COG3: variants seen among roughly 807,000 people sequenced by gnomAD.
COG3 encodes conserved oligomeric Golgi complex subunit 3.
In COG3, 32 loss-of-function variants were observed where a neutral mutation model predicts 114.1. The ratio of observed to expected loss-of-function variants is 0.28; its 90% CI spans 0.21 to 0.38. The LOEUF is 0.38. Ranked by LOEUF, COG3 falls within the 10% of genes least tolerant of loss-of-function variation. COG3 has a pLI of 1.00. For synonymous variants in COG3, 352 were observed against 365.7 expected (o/e 0.96, Z 0.43); for missense variants, 813 against 973.2 (o/e 0.84, Z 2.19).
At position 45,511,830 on chromosome 13, in the gene COG3, G is replaced by A. The variant is rs111696912; in HGVS notation, c.1785G>A (p.Ala595=). The A allele has an allele frequency of 1.2e-5, 19 of 1,613,670 alleles. No homozygotes were observed. The highest frequency in any genetic ancestry group is 1.5e-5 in the Non-Finnish European group (18 of 1,179,754). The change falls in exon 16 of 23, where the codon GCG becomes GCA. Residue 595 remains alanine, a synonymous_variant. Transcript: ENST00000349995. ...CCTGCATTCAGTCCTTACTTGGAGC[G>A]TCAGAGTCTATCAGCAAAAACAAGG... ...LSACIQSLLG[A]SESISKNKTQ... is the part of the protein sequence containing the mutation.
intron 15 of COG3, 125 bp from the exon 16 acceptor site, chr13:45,511,640 A>C: frequency 1.5e-6 from 1 of 671,090 alleles, no homozygotes; most frequent in Non-Finnish European, 2.6e-6. Flanking sequence ...AGAATAATAC[A>C]AGTAGTAAAT....
chr13:45,465,207 T>C lies in COG3; in HGVS notation c.171T>C (p.Ala57=), dbSNP rs890530074. Residue 57 remains alanine (A), a synonymous_variant, in exon 1 of 23, where the codon GCT becomes GCC. Coordinates refer to ENST00000349995, the MANE Select transcript of COG3 (RefSeq NM_031431.4). ...KAAAENLPVP[A]ELPIEDLCSL... is the part of the protein sequence containing the mutation. The stretch of plus-strand genomic sequence containing the variant: ...CGGCAGAGAACTTGCCGGTGCCAGC[T>C]GAGGTGAGGTGATGGGCAGGAACCG... 23 of 1,613,212 alleles carry C rather than the reference T, an allele frequency of 1.4e-5. No individual in the cohort carries two copies. The highest frequency in any genetic ancestry group is 2.7e-5 in the African/African-American group (2 of 75,036).
rs541260922 is a variant in COG3 at position 45,496,440 on chromosome 13, G to T, written c.1488+128G>T. On this transcript the variant is annotated intron_variant, in intron 13 of 22. Coordinates refer to ENST00000349995, the MANE Select transcript of COG3 (RefSeq NM_031431.4). ...TCCCCTTGTTGCCCAGGCTGGTCTC[G>T]AACTCCTGAGCTCAAGTGATCCACC... 2.9e-4 allele frequency: 191 copies of T among 650,524 alleles called. 1 individual carries two copies. The African/African-American group carries it at 3.3e-3, about 11-fold the overall frequency. 40.3% of individuals were successfully genotyped at this position (650,524 alleles called of 1,614,324 possible). A position where few individuals can be genotyped will look rare whatever the true frequency, so the allele number is the denominator to read the frequency against.
chr13:45,486,366 G>C (rs1275813858), intron 7 of COG3, 129 bp from the exon 8 acceptor site: 2 of 649,390 alleles, frequency 3.1e-6, no homozygotes, highest in East Asian at 2.6e-5. Context: ...GAGGGAGAGG[G>C]AGACTCTCCC....
intron 3 of COG3, 65 bp from the exon 4 acceptor site, chr13:45,480,060 G>A (rs1886152423): frequency 7.1e-7 from 1 of 1,407,770 alleles, no homozygotes; most frequent in South Asian, 1.5e-5. Context: ...AGCCTTTGTT[G>A]TTTTTTTACT....
intron 5 of COG3, among the ~76,000 whole-genome samples, chr13:45,481,837 AG>A (rs11327590): frequency 0.099 from 14,988 of 152,160 alleles, 2,081 homozygotes; most frequent in African/African-American, 0.31. Flanking sequence ...ATAGGTATTT[AG>A]TTTATTAAAG....
At chr13:45,489,196 A>C (rs1393131014) in intron 8 of COG3, among the ~76,000 whole-genome samples, 3 of 146,922 alleles carry the variant, frequency 2.0e-5, no homozygotes, top group Non-Finnish European at 4.5e-5. Context: ...CAAAAAAAAA[A>C]AAAAAAAAAA....
chr13:45,530,640 A>T, intron 21 of COG3, 42 bp from the exon 22 acceptor site: 2 of 1,213,400 alleles, frequency 1.6e-6, no homozygotes, highest in Non-Finnish European at 2.5e-6. Context: ...CTTCGTGTTT[A>T]AGACAACTCA....
intron 12 of COG3, among the ~76,000 whole-genome samples, chr13:45,494,154 G>A (rs1432544344): frequency 6.6e-6 from 1 of 151,854 alleles, no homozygotes; most frequent in Non-Finnish European, 1.5e-5. Context: ...GTGAAACCCC[G>A]TCTCTACTAA....
chr13:45,478,437 C>T (rs1216080307), intron 2 of COG3, among the ~76,000 whole-genome samples: 9 of 150,962 alleles, frequency 6.0e-5, no homozygotes, highest in South Asian at 2.1e-4. Context: ...CCTCGGCCTC[C>T]GAAAGTGCTG....
intron 16 of COG3, among the ~76,000 whole-genome samples, chr13:45,512,508 T>C (rs990705874): frequency 5.9e-5 from 9 of 152,130 alleles, no homozygotes; most frequent in Non-Finnish European, 1.2e-4. Context: ...AAGTTTTGTA[T>C]TTTTTGTGGA....
chr13:45,494,796 G>T (rs1003894961), intron 12 of COG3, among the ~76,000 whole-genome samples: 1 of 151,870 alleles, frequency 6.6e-6, no homozygotes, highest in Non-Finnish European at 1.5e-5. Context: ...AAAGTGCTGG[G>T]ATTACAGGTG....
intron 10 of COG3, 21 bp from the exon 11 acceptor site, chr13:45,492,138 G>T (rs773505493): frequency 6.9e-7 from 1 of 1,443,632 alleles, no homozygotes; most frequent in South Asian, 1.2e-5. Context: ...ACTGTAGGTG[G>T]TGTGTGTTTG....
At chr13:45,500,277 A>T (rs1330172865) in intron 13 of COG3, among the ~76,000 whole-genome samples, 1 of 152,164 alleles carries the variant, frequency 6.6e-6, no homozygotes, top group Admixed American at 6.5e-5. Context: ...TAAATTTTTT[A>T]AAAATGTAAT....
chr13:45,476,003 T>C (rs1885835362), intron 1 of COG3, among the ~76,000 whole-genome samples, 198 bp from the exon 2 acceptor site: 1 of 151,856 alleles, frequency 6.6e-6, no homozygotes, highest in Admixed American at 6.6e-5. Flanking sequence ...GGGACATCAG[T>C]GTCATGTTTA....
At chr13:45,525,416 C>G (rs1220403302) in intron 20 of COG3, among the ~76,000 whole-genome samples, 3 of 152,060 alleles carry the variant, frequency 2.0e-5, no homozygotes, top group Non-Finnish European at 4.4e-5. Context: ...TACCCACTTT[C>G]AAGTGTATGA....
Position 45,482,403 on chromosome 13 carries a change from C to T in COG3, c.647C>T (p.Ser216Leu), listed in dbSNP as rs148783977. 2.3e-5 allele frequency: 35 copies of T among 1,549,088 alleles called. No individual in the cohort carries two copies. The highest frequency in any genetic ancestry group is 2.6e-5 in the Non-Finnish European group (29 of 1,127,746). ...AAGAAATTGAATTCCCCTACATTGT[C>T]GGTGAATAGTGACGGATTTATACCT... ...INTKLNSPTLSVNSDGFIPML... is the reference protein window; with the variant it reads ...INTKLNSPTLLVNSDGFIPML... Residue 216 changes from serine (S) to leucine (L), a missense_variant, in exon 6 of 23, where the codon TCG becomes TTG. This residue lies in a region of COG3 where 424 missense variants were observed against 430.6 expected (regional missense o/e 0.98). Coordinates refer to ENST00000349995, the MANE Select transcript of COG3 (RefSeq NM_031431.4).
At chr13:45,489,949 A>G (rs1317352356) in intron 8 of COG3, among the ~76,000 whole-genome samples, 1 of 152,186 alleles carries the variant, frequency 6.6e-6, no homozygotes, top group East Asian at 1.9e-4. Flanking sequence ...AAGTTGTGGT[A>G]CTTAATATAT....
At chr13:45,490,192 G>A (rs1886934935) in intron 8 of COG3, among the ~76,000 whole-genome samples, 1 of 152,186 alleles carries the variant, frequency 6.6e-6, no homozygotes, top group African/African-American at 2.4e-5. Context: ...GAGACAGGCA[G>A]TACTGCTGAT....
Sources: allele counts gnomAD v4.1 joint callset (sites outside exome capture counted in the v4.1 genomes callset), GRCh38; gene constraint gnomAD v4.1.1; regional missense constraint gnomAD v4.1.1; transcripts MANE v1.5; gene names NCBI Gene and HGNC (gene_info 2026-07-23, HGNC 2026-07-21).